The following CCDC7 variants were observed in gnomAD, a reference collection of about 807,000 sequenced individuals.
The protein encoded by CCDC7 is coiled-coil domain-containing protein 7.
CCDC7 carries 183 observed loss-of-function variants against 196.9 expected under a neutral mutation model. The ratio of observed to expected loss-of-function variants is 0.93; its 90% confidence interval spans 0.82 to 1.05. The LOEUF (loss-of-function observed/expected upper bound fraction) is 1.05, where lower values mean the gene tolerates loss of function less well. Ranked by LOEUF, CCDC7 falls within the 50% of genes least tolerant of loss-of-function variation. The probability of loss-of-function intolerance (pLI) is 0.00; values close to 1 mark genes in which losing one functional copy is unlikely to be tolerated. For synonymous variants in CCDC7, 525 were observed against 484.6 expected, an observed-to-expected ratio of 1.08 and a Z score of -1.10; for missense variants, 1,540 against 1,482.2, an observed-to-expected ratio of 1.04 and a Z score of -0.64.
At chr10:32,794,176 A>T (rs909422164) in intron 29 of CCDC7, among the ~76,000 whole-genome samples, 3 of 152,088 alleles carry the variant, frequency 2.0e-5, no homozygotes, top group Non-Finnish European at 4.4e-5. Flanking sequence ...TCCACATTGC[A>T]GTATTTGGTT....
chr10:32,640,120 T>C (rs2066453875), intron 20 of CCDC7, among the ~76,000 whole-genome samples: 1 of 152,208 alleles, frequency 6.6e-6, no homozygotes. Flanking sequence ...CTCGTCGATC[T>C]GTCTAATGTT....
intron 11 of CCDC7, among the ~76,000 whole-genome samples, chr10:32,534,876 C>T (rs548788379): frequency 6.6e-6 from 1 of 152,152 alleles, no homozygotes; most frequent in African/African-American, 2.4e-5. Context: ...GGTAATATTT[C>T]TCCCTTTAGG....
chr10:32,656,353 G>T (rs2069866092), intron 20 of CCDC7, among the ~76,000 whole-genome samples: 1 of 152,172 alleles, frequency 6.6e-6, no homozygotes, highest in South Asian at 2.1e-4. Flanking sequence ...GTCTGTGTTA[G>T]TCCATTCTTA....
chr10:32,695,894 A>G (rs2077649166), intron 24 of CCDC7, among the ~76,000 whole-genome samples: 1 of 152,184 alleles, frequency 6.6e-6, no homozygotes, highest in South Asian at 2.1e-4. Flanking sequence ...AGACAGAACT[A>G]CGGCATGAGC....
At chr10:32,843,275 T>C (rs1471685176) in intron 33 of CCDC7, among the ~76,000 whole-genome samples, 1 of 151,830 alleles carries the variant, frequency 6.6e-6, no homozygotes, top group Non-Finnish European at 1.5e-5. Flanking sequence ...TAATTAATCA[T>C]AACAACAATT....
chr10:32,722,942 C>T (rs919279606), intron 25 of CCDC7, among the ~76,000 whole-genome samples: 2 of 152,112 alleles, frequency 1.3e-5, no homozygotes, highest in Non-Finnish European at 2.9e-5. Flanking sequence ...GGACCTTGGC[C>T]TGATCCTTAG....
At chr10:32,498,193 CAG>C (rs2134749742) in intron 9 of CCDC7, among the ~76,000 whole-genome samples, 1 of 152,242 alleles carries the variant, frequency 6.6e-6, no homozygotes, top group African/African-American at 2.4e-5. Context: ...TCTGTTTCAT[CAG>C]AGACTAGGAT....
chr10:32,535,844 C>T (rs892735172), intron 11 of CCDC7, among the ~76,000 whole-genome samples: 3 of 152,118 alleles, frequency 2.0e-5, no homozygotes, highest in Admixed American at 6.5e-5. Context: ...CTTTGCAGGA[C>T]TGTTTCAAAA....
intron 1 of CCDC7, chr10:32,446,601 A>C (rs759421816): frequency 3.3e-5 from 5 of 152,120 alleles, no homozygotes; most frequent in Non-Finnish European, 7.4e-5. Flanking sequence ...TCTATTTTGT[A>C]CACTTTATCA....
chr10:32,513,812 A>G (rs1431499557), intron 9 of CCDC7: 1 of 152,174 alleles, frequency 6.6e-6, no homozygotes, highest in Non-Finnish European at 1.5e-5. Context: ...TTTATGATAC[A>G]AAGTTCCACA....
At chr10:32,659,498 C>G (rs1048019710) in intron 20 of CCDC7, among the ~76,000 whole-genome samples, 1 of 152,150 alleles carries the variant, frequency 6.6e-6, no homozygotes, top group Non-Finnish European at 1.5e-5. Flanking sequence ...AGTTCTAGAA[C>G]ACCACAATAA....
chr10:32,649,327 A>T (rs1045911462), intron 20 of CCDC7, among the ~76,000 whole-genome samples: 1 of 152,190 alleles, frequency 6.6e-6, no homozygotes, highest in Non-Finnish European at 1.5e-5. Flanking sequence ...AAGATGAAGA[A>T]AAATAAAGAA....
chr10:32,646,137 C>T (rs2067729617), intron 20 of CCDC7, among the ~76,000 whole-genome samples: 1 of 142,344 alleles, frequency 7.0e-6, no homozygotes, highest in African/African-American at 2.6e-5. Flanking sequence ...TGAGTTCTTT[C>T]TAGTTTTTTT....
In CCDC7 at chr10:32,511,266, G is replaced by T. The variant is rs553162011; in HGVS notation, c.873-6679G>T. ...CAGAATTATTCTGTGGGGGGCGGGG[G>T]GGGCGGGGAAATGTACTTTTTGAAT... is the stretch of plus-strand genomic sequence containing the variant. On this transcript the variant is annotated intron_variant, in intron 9 of 41. Coordinates refer to ENST00000639629, the Ensembl canonical transcript of CCDC7. 1.6e-5 allele frequency: 9 copies of T among 555,616 alleles called. 4 individuals are homozygous for T. The Middle Eastern group carries it at 2.4e-3, about 147-fold the overall frequency. 34.4% of individuals were successfully genotyped at this position (555,616 alleles called of 1,614,324 possible).
At chr10:32,487,417 G>T (rs1306942814) in intron 8 of CCDC7, among the ~76,000 whole-genome samples, 2 of 152,110 alleles carry the variant, frequency 1.3e-5, no homozygotes, top group Non-Finnish European at 2.9e-5. Flanking sequence ...TAACTTCTTT[G>T]CCATGGGTTT....
chr10:32,460,051 G>A (rs1402186), intron 3 of CCDC7, among the ~76,000 whole-genome samples: 140,709 of 152,148 alleles, frequency 0.92, 66,009 homozygotes, highest in East Asian at 1. Context: ...TACTGATGAT[G>A]TAAGTATATG....
In CCDC7 at chr10:32,824,706, T is replaced by C. The variant is rs2090857820; in HGVS notation, c.3268+102T>C. 5 of 652,744 alleles carry C rather than the reference T, an allele frequency of 7.7e-6. No individual in the cohort carries two copies. The East Asian group carries it at 1.1e-4, about 14-fold the overall frequency. The allele number at this position is 652,744 out of a possible 1,614,324, so 40.4% of individuals were successfully genotyped here. On this transcript the variant is annotated intron_variant, in intron 32 of 41. Coordinates refer to ENST00000639629, the Ensembl canonical transcript of CCDC7. ...ACAGTACCTATATGTAATTATCACG[T>C]GAGAAAAAGTCTTCATGAATTTCCT...
intron 28 of CCDC7, among the ~76,000 whole-genome samples, chr10:32,739,428 T>C (rs1422810604): frequency 2.0e-5 from 3 of 152,138 alleles, no homozygotes; most frequent in Non-Finnish European, 4.4e-5. Flanking sequence ...ATCAAAGGCA[T>C]TCTTAATTTC....
chr10:32,666,996 T>C (rs1325637536), intron 21 of CCDC7, among the ~76,000 whole-genome samples: 2 of 152,156 alleles, frequency 1.3e-5, no homozygotes, highest in East Asian at 3.9e-4. Context: ...CCACCAACAG[T>C]GTAAAAGCGT....
Sources: gnomAD v4.1 joint callset for allele counts (sites outside exome capture counted in the v4.1 genomes callset) on GRCh38, gnomAD v4.1.1 for gene constraint, MANE v1.5 for transcripts, NCBI Gene and HGNC (gene_info 2026-07-23, HGNC 2026-07-21) for gene names.